The following DPYS variants were observed in gnomAD, a reference collection of about 807,000 sequenced individuals.
DPYS encodes the protein dihydropyrimidine amidohydrolase.
Under a neutral mutation model 50.3 loss-of-function variants are expected in DPYS, and 39 were observed. The ratio of observed to expected loss-of-function variants is 0.78; its 90% CI spans 0.60 to 1.01. DPYS has a LOEUF of 1.01. DPYS is among the 50% of genes least tolerant of loss of function. The pLI is 0.00. For synonymous variants in DPYS, 245 were observed against 250.7 expected, an observed-to-expected ratio of 0.98 and a Z score of 0.22; for missense variants, 659 against 680.9, an observed-to-expected ratio of 0.97 and a Z score of 0.36.
chr8:104,386,528 TAA>T (rs559135189), intron 8 of DPYS, among the ~76,000 whole-genome samples: 7 of 140,286 alleles, frequency 5.0e-5, no homozygotes, highest in East Asian at 2.1e-4. Context: ...GTGAGACTCT[TAA>T]AAAAAAAAAA....
chr8:104,389,831 G>A (rs1811333867), intron 8 of DPYS, among the ~76,000 whole-genome samples: 1 of 152,002 alleles, frequency 6.6e-6, no homozygotes, highest in South Asian at 2.1e-4. Context: ...AAACAATGAT[G>A]CACTAAAATG....
chr8:104,442,098 G>C (rs1159757201), intron 4 of DPYS, among the ~76,000 whole-genome samples: 1 of 152,206 alleles, frequency 6.6e-6, no homozygotes, highest in East Asian at 1.9e-4. Context: ...AGGAGCTAGA[G>C]AAGGCAAGTA....
intron 3 of DPYS, among the ~76,000 whole-genome samples, chr8:104,444,662 C>A (rs1222653364): frequency 6.6e-6 from 1 of 151,864 alleles, no homozygotes; most frequent in Admixed American, 6.6e-5. Flanking sequence ...ATATTCTAAT[C>A]ATATAAGTTA....
chr8:104,443,704 C>T (rs954256267), intron 4 of DPYS, among the ~76,000 whole-genome samples: 1 of 152,108 alleles, frequency 6.6e-6, no homozygotes, highest in Non-Finnish European at 1.5e-5. Context: ...ACTAGCCTGG[C>T]CAACATGGTG....
rs72667474 is a variant in DPYS, at chr8:104,386,052, T to C, written c.1444-4738A>G. Among the ~76,000 whole-genome samples the C allele has an allele frequency of 6.9e-3, 1,046 of 152,356 alleles. 5 individuals carry two copies. The highest frequency in any genetic ancestry group is 0.011 in the Non-Finnish European group (769 of 68,030). On this transcript the variant is annotated intron_variant, in intron 8 of 9. Coordinates refer to ENST00000351513, the MANE Select transcript of DPYS (RefSeq NM_001385.3). Reference sequence around the variant, plus strand: ...TTACTTTGGTAAATGAGAATTGAACTTGAGTTCTCAGTATTTGATGATACT... The same window carrying C: ...TTACTTTGGTAAATGAGAATTGAACCTGAGTTCTCAGTATTTGATGATACT...
intron 4 of DPYS, among the ~76,000 whole-genome samples, chr8:104,437,903 A>T (rs532868759): frequency 6.6e-6 from 1 of 152,320 alleles, no homozygotes; most frequent in Non-Finnish European, 1.5e-5. Flanking sequence ...TGATAAGAAG[A>T]CAAGAAATTG....
At chr8:104,443,719 C>G (rs966479292) in intron 4 of DPYS, among the ~76,000 whole-genome samples, 34 of 152,020 alleles carry the variant, frequency 2.2e-4, no homozygotes, top group Non-Finnish European at 3.5e-4. Flanking sequence ...ATGGTGAAAC[C>G]CCGTCTCTAC....
chr8:104,427,561 G>A (rs1485281250), intron 6 of DPYS, among the ~76,000 whole-genome samples: 2 of 151,964 alleles, frequency 1.3e-5, no homozygotes, highest in African/African-American at 4.8e-5. Context: ...TTACAGGTGT[G>A]AGCCACTGCA....
chr8:104,454,346 A>G (rs918024048), intron 1 of DPYS, among the ~76,000 whole-genome samples: 9 of 152,244 alleles, frequency 5.9e-5, no homozygotes, highest in South Asian at 2.1e-4. Flanking sequence ...AGATCATGCC[A>G]TTGCACTCCA....
At chr8:104,401,026 A>G (rs1181620476) in intron 7 of DPYS, among the ~76,000 whole-genome samples, 1 of 152,186 alleles carries the variant, frequency 6.6e-6, no homozygotes, top group Non-Finnish European at 1.5e-5. Flanking sequence ...AGAATTTCCT[A>G]GAGTAATGTG....
intron 1 of DPYS, among the ~76,000 whole-genome samples, chr8:104,451,871 C>A (rs1005594229): frequency 3.9e-5 from 6 of 152,138 alleles, no homozygotes; most frequent in Non-Finnish European, 5.9e-5. Flanking sequence ...TCCCAGAAAC[C>A]AAATGGTGAC....
chr8:104,399,889 A>AAAAG (rs1811736245), intron 7 of DPYS, among the ~76,000 whole-genome samples: 1 of 150,770 alleles, frequency 6.6e-6, no homozygotes, highest in African/African-American at 2.4e-5. Flanking sequence ...AAAAAAAAAA[A>AAAAG]AGAAAGAAAC....
At position 104,428,025 on chromosome 8, in the gene DPYS, C is replaced by T; in HGVS notation, c.1047G>A (p.Val349=). The change falls in exon 6 of 10, where the codon GTG becomes GTA. Residue 349 remains valine (V), a synonymous_variant. Transcript: ENST00000351513. ...KDDFTKIPNG[V]NGVEDRMSVI... ...CGGACATCCGATCTTCAACACCATT[C>T]ACCCCATTGGGGATCTTGGTAAAAT... 1 of 1,614,244 alleles carries T rather than the reference C, an allele frequency of 6.2e-7. No individual in the cohort carries two copies. Among genetic ancestry groups the T allele is most frequent in the Non-Finnish European group, 8.5e-7 (1 of 1,180,038 alleles).
intron 1 of DPYS, 60 bp downstream of exon 1, chr8:104,466,597 T>C (rs1205558039): frequency 1.4e-6 from 2 of 1,462,210 alleles, no homozygotes; most frequent in Non-Finnish European, 1.8e-6. Flanking sequence ...CCGGGACGAC[T>C]GGGGAGGCTG....
chr8:104,381,303 A>T lies in DPYS; in HGVS notation c.1455T>A (p.Pro485=). ...RIKQRDRTCT[P]TPVERAPYKG... ...TATAGGGTGCACGCTCCACAGGGGT[A>T]GGTGTGCAAGTCTGAAAGAGAACAT... The change falls in exon 9 of 10, where the codon CCT becomes CCA. Residue 485 remains proline (P), a synonymous_variant. Transcript: ENST00000351513. 6.2e-7 allele frequency: 1 copy of T among 1,614,032 alleles called. No homozygotes were observed. The highest frequency in any genetic ancestry group is 2.2e-5 in the East Asian group (1 of 44,880).
rs779663752 is a variant in DPYS at position 104,429,597 on chromosome 8, G to T, written c.898C>A (p.Pro300Thr). The change falls in exon 5 of 10, where the codon CCT becomes ACT. Residue 300 changes from proline to threonine, a missense_variant. Coordinates refer to ENST00000351513, the MANE Select transcript of DPYS (RefSeq NM_001385.3). ...GGTGTTGAGGGGTCTGGTCGCAAAG[G>T]TGGACCCATGACATGGTGGGCTGCA... The part of the protein sequence containing the change: ...HHAAHHVMGP[P>T]LRPDPSTPDF... 2.5e-6 allele frequency: 4 copies of T among 1,614,090 alleles called. No homozygotes were observed. In the South Asian group the frequency reaches 4.4e-5, roughly 18 times the overall value.
intron 1 of DPYS, among the ~76,000 whole-genome samples, chr8:104,454,454 C>T (rs1813858352): frequency 6.6e-6 from 1 of 152,180 alleles, no homozygotes; most frequent in Admixed American, 6.5e-5. Flanking sequence ...ATTCTGTGAA[C>T]ATACTAAAAG....
At chr8:104,380,186 T>C (rs1297357146) in intron 9 of DPYS, among the ~76,000 whole-genome samples, 4 of 152,180 alleles carry the variant, frequency 2.6e-5, no homozygotes, top group Non-Finnish European at 4.4e-5. Flanking sequence ...AAGCCCTCAT[T>C]ATCCAAATCC....
At chr8:104,394,589 CTTCT>C (rs1811515692) in intron 7 of DPYS, among the ~76,000 whole-genome samples, 1 of 151,916 alleles carries the variant, frequency 6.6e-6, no homozygotes, top group South Asian at 2.1e-4. Flanking sequence ...TTCTTACTGG[CTTCT>C]TTGTTTCAAT....
Sources: allele counts gnomAD v4.1 joint callset (sites outside exome capture counted in the v4.1 genomes callset), GRCh38; gene constraint gnomAD v4.1.1; transcripts MANE v1.5; gene names NCBI Gene and HGNC (gene_info 2026-07-23, HGNC 2026-07-21).